The following CLDN16 variants were observed in gnomAD, a reference collection of about 807,000 sequenced individuals.
The protein encoded by CLDN16 is claudin-16.
In CLDN16, 13 loss-of-function variants were observed where a neutral mutation model predicts 24.6. That is an observed-to-expected ratio of 0.53 (90% confidence interval 0.34 to 0.84). The LOEUF (loss-of-function observed/expected upper bound fraction) is 0.84, where lower values mean the gene tolerates loss of function less well. Among genes scored for constraint, CLDN16 ranks in the 40% least tolerant of loss-of-function variants. CLDN16 has a pLI of 0.01. For synonymous variants in CLDN16, 116 were observed against 106.7 expected (o/e 1.09, Z -0.54); for missense variants, 298 against 292.7 (o/e 1.02, Z -0.13).
chr3:190,339,894 A>G (rs1717390000), intron 1 of CLDN16, among the ~76,000 whole-genome samples: 1 of 152,242 alleles, frequency 6.6e-6, no homozygotes, highest in South Asian at 2.1e-4. Flanking sequence ...TTTCCAATGA[A>G]CACTGACACA....
At chr3:190,296,934 G>A in the CLDN16 span, among the ~76,000 whole-genome samples, 1 of 152,248 alleles carries the variant, frequency 6.6e-6, no homozygotes, top group African/African-American at 2.4e-5. Flanking sequence ...GTCTTCCAAA[G>A]ATCTTGCTGC....
At chr3:190,318,316 T>C (rs3774022), upstream of CLDN16, among the ~76,000 whole-genome samples, 11,252 of 152,264 alleles carry the variant, frequency 0.074, 558 homozygotes, top group East Asian at 0.14. Context: ...ACCTCCATTA[T>C]ATTTCCTTAA....
intron 1 of CLDN16, among the ~76,000 whole-genome samples, chr3:190,396,809 A>T (rs941808999): frequency 1.3e-5 from 2 of 152,224 alleles, no homozygotes; most frequent in African/African-American, 4.8e-5. Flanking sequence ...TAATGAAAAA[A>T]CAGAAGTCTT....
chr3:190,409,649 A>C (rs1719219102), intron 4 of CLDN16, among the ~76,000 whole-genome samples: 1 of 152,174 alleles, frequency 6.6e-6, no homozygotes, highest in Non-Finnish European at 1.5e-5. Flanking sequence ...TCACCTAAAA[A>C]ACTAAGGGAA....
chr3:190,358,672 AAAC>A (rs199596629), intron 1 of CLDN16, among the ~76,000 whole-genome samples: 8 of 151,162 alleles, frequency 5.3e-5, no homozygotes, highest in Admixed American at 1.3e-4. Context: ...AAATTAAAAA[AAAC>A]AACAAGTTTA....
chr3:190,354,781 G>A (rs1044474707), intron 1 of CLDN16, among the ~76,000 whole-genome samples: 5 of 151,980 alleles, frequency 3.3e-5, no homozygotes, highest in Admixed American at 2.6e-4. Flanking sequence ...CGAGAAGCAG[G>A]GAGAAGAGAT....
At chr3:190,293,032 G>C in the CLDN16 span, among the ~76,000 whole-genome samples, 3 of 152,212 alleles carry the variant, frequency 2.0e-5, no homozygotes, top group African/African-American at 7.2e-5. Context: ...CCAATTTACT[G>C]TATTAGTCTA....
chr3:190,398,232 TG>T (rs1718868476), intron 1 of CLDN16, among the ~76,000 whole-genome samples: 1 of 152,248 alleles, frequency 6.6e-6, no homozygotes, highest in Non-Finnish European at 1.5e-5. Flanking sequence ...CCGTAACAAA[TG>T]ACCATAAACT....
intron 1 of CLDN16, among the ~76,000 whole-genome samples, chr3:190,332,242 A>G (rs1422748737): frequency 2.0e-5 from 3 of 152,222 alleles, no homozygotes; most frequent in Non-Finnish European, 4.4e-5. Context: ...TTTTCCTTGT[A>G]GAAAGAGGCT....
At chr3:190,331,858 T>C (rs901034893) in intron 1 of CLDN16, among the ~76,000 whole-genome samples, 5 of 152,202 alleles carry the variant, frequency 3.3e-5, no homozygotes, top group South Asian at 4.1e-4. Flanking sequence ...CACAAGCCTA[T>C]GTACTTCTCT....
intron 1 of CLDN16, among the ~76,000 whole-genome samples, chr3:190,397,398 A>C (rs1319507042): frequency 2.0e-5 from 3 of 152,242 alleles, no homozygotes; most frequent in Non-Finnish European, 4.4e-5. Context: ...GTTATTACTT[A>C]ACATTTGCAT....
chr3:190,307,672 T>C, the CLDN16 span: 1 of 152,294 alleles, frequency 6.6e-6, no homozygotes, highest in Non-Finnish European at 1.5e-5. Flanking sequence ...GCAAGTGCTA[T>C]AAGATTATGG....
chr3:190,389,067 G>A (rs1242697862), intron 1 of CLDN16, among the ~76,000 whole-genome samples: 3 of 152,152 alleles, frequency 2.0e-5, no homozygotes, highest in African/African-American at 7.2e-5. Flanking sequence ...TTGCTCTAGG[G>A]AACTGACTAC....
chr3:190,313,085 G>A, the CLDN16 span: 1 of 1,606,202 alleles, frequency 6.2e-7, no homozygotes, highest in Non-Finnish European at 8.5e-7. Flanking sequence ...GGACCAACAA[G>A]AGAAAAATGG....
chr3:190,294,918 A>T, the CLDN16 span, among the ~76,000 whole-genome samples: 1 of 152,184 alleles, frequency 6.6e-6, no homozygotes, highest in African/African-American at 2.4e-5. Context: ...TGTCTTCTCC[A>T]GTAAACTCAA....
At chr3:190,398,572 T>A (rs566614007) in intron 1 of CLDN16, among the ~76,000 whole-genome samples, 77 of 152,198 alleles carry the variant, frequency 5.1e-4, no homozygotes, top group Non-Finnish European at 8.5e-4. Context: ...CCAAATAAGG[T>A]CATATACTGG....
At chr3:190,407,873 C>A (rs1719145624) in intron 3 of CLDN16, among the ~76,000 whole-genome samples, 1 of 152,170 alleles carries the variant, frequency 6.6e-6, no homozygotes, top group African/African-American at 2.4e-5. Flanking sequence ...GCATTAAATA[C>A]AATGATATTT....
At chr3:190,310,814 G>A in the CLDN16 span, among the ~76,000 whole-genome samples, 1 of 152,090 alleles carries the variant, frequency 6.6e-6, no homozygotes, top group African/African-American at 2.4e-5. Flanking sequence ...GTATAGGTTG[G>A]CCTGAGATTT....
chr3:190,378,645 A>G (rs549294218), intron 3 of CLDN16, among the ~76,000 whole-genome samples: 1 of 152,156 alleles, frequency 6.6e-6, no homozygotes, highest in East Asian at 1.9e-4. Flanking sequence ...CTTGATGAGT[A>G]AGGGTTTGGA....
Sources: gnomAD v4.1 joint callset for allele counts (sites outside exome capture counted in the v4.1 genomes callset) on GRCh38, gnomAD v4.1.1 for gene constraint, MANE v1.5 for transcripts, NCBI Gene and HGNC (gene_info 2026-07-23, HGNC 2026-07-21) for gene names.